Variants in FANCD2 observed in about 807,000 individuals in gnomAD.
The protein encoded by FANCD2 is FA complementation group D2, also known as Fanconi anemia group D2 protein.
FANCD2 carries 131 observed loss-of-function variants against 192.3 expected under a neutral mutation model. That is an observed-to-expected ratio of 0.68 (90% CI 0.59 to 0.79). FANCD2 has a LOEUF of 0.79. FANCD2 is among the 30% of genes least tolerant of loss of function. The probability of loss-of-function intolerance (pLI) is 0.00; values close to 1 mark genes in which losing one functional copy is unlikely to be tolerated. For synonymous variants in FANCD2, 524 were observed against 612.5 expected (o/e 0.86, Z 2.13); for missense variants, 1,508 against 1,701.6 (o/e 0.89, Z 2.00).
intron 1 of FANCD2, among the ~76,000 whole-genome samples, chr3:10,027,781 T>G (rs1271110108): frequency 1.3e-5 from 2 of 151,564 alleles, no homozygotes; most frequent in Non-Finnish European, 2.9e-5. Flanking sequence ...GGCGGGCGCC[T>G]GTAGTCCCAG....
chr3:10,042,682 T>G lies in FANCD2; in HGVS notation c.888+19T>G. The G allele has an allele frequency of 6.3e-7, 1 of 1,593,374 alleles. No homozygotes were observed. Among genetic ancestry groups the G allele is most frequent in the Non-Finnish European group, 8.6e-7 (1 of 1,161,060 alleles). ...ACTTGAGGTATGCTCTTATATCCCA[T>G]CACACCTAGATAAAGCAACTTAAGT... On this transcript the variant is annotated intron_variant, in intron 11 of 43. Coordinates refer to ENST00000675286, the MANE Select transcript of FANCD2 (RefSeq NM_001018115.3).
intron 37 of FANCD2, among the ~76,000 whole-genome samples, chr3:10,091,499 T>C (rs1486680557): frequency 6.6e-6 from 1 of 151,802 alleles, no homozygotes; most frequent in Non-Finnish European, 1.5e-5. Context: ...AAAAAACATA[T>C]ACCGGCTGTA....
Position 10,101,462 on chromosome 3 carries a change from T to G in FANCD2, c.*200T>G, listed in dbSNP as rs1036450509. The G allele has an allele frequency of 2.1e-5, 11 of 533,022 alleles. No individual in the cohort carries two copies. Among genetic ancestry groups the G allele is most frequent in the African/African-American group, 1.3e-4 (7 of 51,918 alleles). 33.0% of individuals were successfully genotyped at this position (533,022 alleles called of 1,614,324 possible). The stretch of plus-strand genomic sequence containing the variant: ...GTGCAGTGCTGCAATCTTGGCTCAC[T>G]GCAACCTCCATCTCCTAGGTTCAAG... On this transcript the variant is annotated 3_prime_UTR_variant, in exon 44 of 44. Transcript: ENST00000675286.
chr3:10,044,670 G>C (rs1276667228), intron 14 of FANCD2, among the ~76,000 whole-genome samples: 2 of 152,086 alleles, frequency 1.3e-5, no homozygotes, highest in Non-Finnish European at 1.5e-5. Flanking sequence ...AATCTGTTTT[G>C]TGGGATTTTT....
At chr3:10,083,219 C>G (rs1415833383) in intron 32 of FANCD2, among the ~76,000 whole-genome samples, 1 of 151,106 alleles carries the variant, frequency 6.6e-6, no homozygotes, top group Non-Finnish European at 1.5e-5. Context: ...AGAACCAGAC[C>G]CCATCTCAAA....
Position 10,081,465 on chromosome 3 carries a change from G to T in FANCD2, c.3224+1G>T, listed in dbSNP as rs1468320596. Reference sequence around the variant, plus strand: ...AGATTTTTCATGGGCTTTTTGCTTGGTAAGTATGTGGGAAGTGTGGAGAGA... The same window carrying T: ...AGATTTTTCATGGGCTTTTTGCTTGTTAAGTATGTGGGAAGTGTGGAGAGA... On this transcript the variant is annotated splice_donor_variant, in intron 32 of 43. Coordinates refer to ENST00000675286, the MANE Select transcript of FANCD2 (RefSeq NM_001018115.3). LOFTEE classifies it high-confidence loss of function. 3.1e-6 allele frequency: 5 copies of T among 1,596,942 alleles called. No individual in the cohort carries two copies. Among genetic ancestry groups the T allele is most frequent in the East Asian group, 2.2e-5 (1 of 44,788 alleles).
intron 36 of FANCD2, among the ~76,000 whole-genome samples, chr3:10,089,319 C>T (rs531871094): frequency 2.6e-5 from 4 of 151,934 alleles, no homozygotes; most frequent in Admixed American, 6.6e-5. Context: ...CACTGTCCAA[C>T]GTATATAGCT....
chr3:10,073,944 G>GT (rs1262781118), intron 28 of FANCD2, among the ~76,000 whole-genome samples: 2 of 152,036 alleles, frequency 1.3e-5, no homozygotes, highest in South Asian at 2.1e-4. Context: ...ACAGTTTTTT[G>GT]TTTTTTGTTT....
At chr3:10,033,698 CTTTTTTTTT>C (rs34115008) in intron 3 of FANCD2, among the ~76,000 whole-genome samples, 1 of 89,378 alleles carries the variant, frequency 1.1e-5, no homozygotes, top group Non-Finnish European at 2.0e-5. Flanking sequence ...AAAGCTAAGT[CTTTTTTTTT>C]TTTTTTTTTT....
At chr3:10,042,500 G>A in intron 10 of FANCD2, 59 bp from the exon 11 acceptor site, 1 of 1,255,612 alleles carries the variant, frequency 8.0e-7, no homozygotes. Flanking sequence ...TAACAGTTCA[G>A]TACAAAGTTG....
chr3:10,036,079 T>A (rs545989387), intron 6 of FANCD2, among the ~76,000 whole-genome samples: 1 of 148,950 alleles, frequency 6.7e-6, no homozygotes, highest in African/African-American at 2.5e-5. Context: ...AAGAGAATTA[T>A]ACATTTCTTT....
chr3:10,032,602 G>A (rs1445783985), intron 2 of FANCD2, among the ~76,000 whole-genome samples: 1 of 152,062 alleles, frequency 6.6e-6, no homozygotes, highest in Non-Finnish European at 1.5e-5. Flanking sequence ...CACCTTGCCT[G>A]GCCAGAAATG....
chr3:10,043,582 C>G lies in FANCD2; in HGVS notation c.1088C>G (p.Ala363Gly). The stretch of plus-strand genomic sequence containing the variant: ...AGATATGAGAAAACCATTTCAGAAG[C>G]CTGGATTAAGGTGAGATCTTTGGAA... ...AIRYEKTISE[A>G]WIKAIENTAS... The change falls in exon 13 of 44, where the codon GCC becomes GGC. Residue 363 changes from alanine to glycine, a missense_variant. Transcript: ENST00000675286. The G allele has an allele frequency of 3.1e-6, 5 of 1,610,686 alleles. No individual in the cohort carries two copies. The highest frequency in any genetic ancestry group is 4.2e-6 in the Non-Finnish European group (5 of 1,176,946).
chr3:10,028,376 A>G (rs1310248715), intron 1 of FANCD2, among the ~76,000 whole-genome samples: 1 of 152,198 alleles, frequency 6.6e-6, no homozygotes, highest in South Asian at 2.1e-4. Flanking sequence ...TCTCAGATGG[A>G]GAGTGATGGG....
At chr3:10,053,846 G>T (rs1480143346) in intron 18 of FANCD2, among the ~76,000 whole-genome samples, 1 of 152,186 alleles carries the variant, frequency 6.6e-6, no homozygotes, top group Non-Finnish European at 1.5e-5. Context: ...TCTGAGTGCA[G>T]TGGGGACACA....
intron 26 of FANCD2, among the ~76,000 whole-genome samples, chr3:10,072,331 T>C (rs1202860629): frequency 6.8e-6 from 1 of 146,606 alleles, no homozygotes; most frequent in African/African-American, 2.5e-5. Flanking sequence ...CAGGCTGGAG[T>C]GTGGTGGTGC....
chr3:10,089,253 C>T (rs1694434122), intron 36 of FANCD2, among the ~76,000 whole-genome samples: 3 of 151,782 alleles, frequency 2.0e-5, no homozygotes, highest in Admixed American at 6.6e-5. Context: ...CCACTGCACT[C>T]CAGCCTGGGC....
intron 18 of FANCD2, chr3:10,058,119 C>T (rs2087466278): frequency 1.3e-5 from 6 of 454,378 alleles, no homozygotes; most frequent in South Asian, 1.2e-4. Context: ...CAGGTGATGC[C>T]TTTGTTCTTA....
At chr3:10,092,476 A>G (rs1409954677) in intron 38 of FANCD2, among the ~76,000 whole-genome samples, 5 of 151,076 alleles carry the variant, frequency 3.3e-5, no homozygotes, top group Non-Finnish European at 7.4e-5. Flanking sequence ...TTATGCCACA[A>G]TACTATTTAA....
Sources: allele counts gnomAD v4.1 joint callset (sites outside exome capture counted in the v4.1 genomes callset), GRCh38; gene constraint gnomAD v4.1.1; transcripts MANE v1.5; gene names NCBI Gene and HGNC (gene_info 2026-07-23, HGNC 2026-07-21).